The following TACC3 variants were observed in gnomAD, a reference collection of about 807,000 sequenced individuals.
TACC3 encodes the protein transforming acidic coiled-coil containing protein 3.
TACC3 carries 52 observed loss-of-function variants against 86.0 expected under a neutral mutation model. The ratio of observed to expected loss-of-function variants is 0.60; its 90% confidence interval spans 0.48 to 0.76. The LOEUF is 0.76. Among genes scored for constraint, TACC3 ranks in the 30% least tolerant of loss-of-function variants. The probability of loss-of-function intolerance (pLI) is 0.00; values close to 1 mark genes in which losing one functional copy is unlikely to be tolerated. For missense variants in TACC3, 1,120 were observed against 1,070.4 expected (o/e 1.05, Z -0.65); for synonymous variants, 512 against 430.0 (o/e 1.19, Z -2.36).
chr4:1,739,576 C>T (rs879314066), intron 10 of TACC3, 126 bp from the exon 11 acceptor site: 16 of 870,370 alleles, frequency 1.8e-5, no homozygotes, highest in Non-Finnish European at 2.7e-5. Flanking sequence ...GGAAGCCCCA[C>T]ATGGAACTGT....
In TACC3 at chr4:1,735,763, A is replaced by T; in HGVS notation, c.1677A>T (p.Leu559Phe). ...AGTCGGCCTTGAGGAAGCAGTCCTT[A>T]TACCTCAAGTTCGACCCCCTCCTGA... ...FKESALRKQS[L>F]YLKFDPLLRD... The change falls in exon 8 of 16, where the codon TTA becomes TTT. Residue 559 changes from leucine (L) to phenylalanine (F), a missense_variant. Transcript: ENST00000313288. This position sits in a 1 kb window ranked among gnomAD's most constrained non-coding sequence, Gnocchi z 4.2. 6.2e-7 allele frequency: 1 copy of T among 1,613,174 alleles called. No homozygotes were observed. The highest frequency in any genetic ancestry group is 8.5e-7 in the Non-Finnish European group (1 of 1,179,800).
chr4:1,741,590 G>A (rs1297018320), intron 13 of TACC3: 1 of 152,366 alleles, frequency 6.6e-6, no homozygotes, highest in Non-Finnish European at 1.5e-5. Context: ...AGCAATGTTG[G>A]AGCGGAGGTG....
intron 8 of TACC3, among the ~76,000 whole-genome samples, chr4:1,736,288 C>G (rs370289112): frequency 6.6e-6 from 1 of 151,822 alleles, no homozygotes; most frequent in Non-Finnish European, 1.5e-5. Flanking sequence ...CCGGGTGTGA[C>G]GGCATGCACC....
chr4:1,744,702 A>C lies in TACC3; in HGVS notation c.2331-10A>C. On this transcript the variant is annotated splice_polypyrimidine_tract_variant and intron_variant, in intron 14 of 15. Coordinates refer to ENST00000313288, the MANE Select transcript of TACC3 (RefSeq NM_006342.3). ...CCAGCTCAGCCTCTGCCCCGCCCCTACCCCTCCAGGGCAAACGAGGAGATC... is the reference window on the plus strand; with the variant it reads ...CCAGCTCAGCCTCTGCCCCGCCCCTCCCCCTCCAGGGCAAACGAGGAGATC... 6.2e-7 allele frequency: 1 copy of C among 1,612,248 alleles called. No individual in the cohort carries two copies. Among genetic ancestry groups the C allele is most frequent in the Non-Finnish European group, 8.5e-7 (1 of 1,179,824 alleles).
chr4:1,731,341 G>A, intron 6 of TACC3, 40 bp downstream of exon 6: 3 of 1,600,008 alleles, frequency 1.9e-6, no homozygotes, highest in Non-Finnish European at 2.6e-6. Context: ...AGTCTGCCCG[G>A]AGGGGATCCC....
chr4:1,737,947 C>T (rs563536107), intron 10 of TACC3: 21 of 619,894 alleles, frequency 3.4e-5, no homozygotes, highest in South Asian at 1.1e-4. Flanking sequence ...CGGGACTCTC[C>T]GGCCTGGGCA....
chr4:1,740,029 G>A lies in TACC3; in HGVS notation c.2062+27G>A, dbSNP rs575890670. 2.2e-5 allele frequency: 35 copies of A among 1,612,310 alleles called. No homozygotes were observed. The Admixed American group carries it at 2.5e-4, about 12-fold the overall frequency. On this transcript the variant is annotated intron_variant, in intron 12 of 15. Transcript: ENST00000313288. ...TGAGTGCCCGGGCCACCGAGGCCAC[G>A]TGCCTCCACGAGGGGCTGCCTATGC...
intron 1 of TACC3, chr4:1,723,049 T>A: frequency 5.4e-6 from 1 of 185,072 alleles, no homozygotes; most frequent in Non-Finnish European, 1.1e-5. Context: ...CTCATCCGGG[T>A]TTCTTATTGG....
Position 1,725,651 on chromosome 4 carries a change from A to G in TACC3, c.305+1781A>G, listed in dbSNP as rs567836837. ...GCAGCCTCCATAGGGCAGAGGGTGT[A>G]GAGGAGCTGGGAGGGGCTTGAGAGG... On this transcript the variant is annotated intron_variant, in intron 3 of 15. Coordinates refer to ENST00000313288, the MANE Select transcript of TACC3 (RefSeq NM_006342.3). 3.3e-5 allele frequency among the ~76,000 whole-genome samples: 5 copies of G among 152,274 alleles called. No individual in the cohort carries two copies. In the South Asian group the frequency reaches 1.0e-3, roughly 32 times the overall value.
At chr4:1,726,983 T>G (rs1472867217) in intron 3 of TACC3, among the ~76,000 whole-genome samples, 7 of 151,836 alleles carry the variant, frequency 4.6e-5, no homozygotes, top group Non-Finnish European at 8.8e-5. Context: ...AAAACAAAAT[T>G]AGCCAGACAT....
Position 1,735,220 on chromosome 4 carries a change from C to T in TACC3, c.1592-53C>T, listed in dbSNP as rs1314199791. On this transcript the variant is annotated intron_variant, in intron 6 of 15. Coordinates refer to ENST00000313288, the MANE Select transcript of TACC3 (RefSeq NM_006342.3). This position sits in a 1 kb window ranked among gnomAD's most constrained non-coding sequence, Gnocchi z 4.2. ...TGCTGAGGGAGACACCAGCCCGCCGCCCTTAGGGCCCTGGTGAGGGGCGAT... is the reference window on the plus strand; with the variant it reads ...TGCTGAGGGAGACACCAGCCCGCCGTCCTTAGGGCCCTGGTGAGGGGCGAT... 3 of 1,611,778 alleles carry T rather than the reference C, an allele frequency of 1.9e-6. No individual in the cohort carries two copies. Among genetic ancestry groups the T allele is most frequent in the East Asian group, 2.2e-5 (1 of 44,884 alleles).
At position 1,744,796 on chromosome 4, in the gene TACC3, G is replaced by A. The variant is rs1188143943; in HGVS notation, c.2415G>A (p.Met805Ile). 2 of 1,612,808 alleles carry A rather than the reference G, an allele frequency of 1.2e-6. No individual in the cohort carries two copies. Among genetic ancestry groups the A allele is most frequent in the Admixed American group, 1.7e-5 (1 of 60,006 alleles). Residue 805 changes from methionine (M) to isoleucine (I), a missense_variant, in exon 15 of 16, where the codon ATG (methionine) becomes ATA (isoleucine). Physicochemically the swap from Met to Ile is conservative, Grantham distance 10 (BLOSUM62 1). Transcript: ENST00000313288. ...AGGCCAGCCTGAGGAAGGAGCAGATGCGCATCCAGTCGCTGGAGAAGACAG... is the reference window on the plus strand; with the variant it reads ...AGGCCAGCCTGAGGAAGGAGCAGATACGCATCCAGTCGCTGGAGAAGACAG... ...ALQASLRKEQ[M>I]RIQSLEKTVE... is the part of the protein sequence containing the mutation.
upstream of TACC3, chr4:1,721,112 G>C (rs1717314139): frequency 3.9e-6 from 1 of 256,698 alleles, no homozygotes; most frequent in South Asian, 1.7e-4. Context: ...CCGCTCGGCC[G>C]CTCGCGGGGC....
chr4:1,744,080 GGGGGCAGCAGC>G (rs35206670), intron 13 of TACC3, among the ~76,000 whole-genome samples: 60,927 of 151,874 alleles, frequency 0.4, 12,572 homozygotes, highest in Non-Finnish European at 0.46. Flanking sequence ...TGCCCCCAGA[GGGGGCAGCAGC>G]CTGTGAGGAG....
Position 1,745,015 on chromosome 4 carries a change from C to T in TACC3, c.*2C>T, listed in dbSNP as rs755331935. 3 of 1,604,426 alleles carry T rather than the reference C, an allele frequency of 1.9e-6. No individual in the cohort carries two copies. The highest frequency in any genetic ancestry group is 2.6e-6 in the Non-Finnish European group (3 of 1,176,164). On this transcript the variant is annotated 3_prime_UTR_variant, in exon 16 of 16. Coordinates refer to ENST00000313288, the MANE Select transcript of TACC3 (RefSeq NM_006342.3). ...ATCTCCAAGATGGAGAAGATCTGAC[C>T]TCCACGGAGCCGCTGTCCCCGCCCC...
At position 1,735,615 on chromosome 4, in the gene TACC3, G is replaced by A. The variant is rs565732220; in HGVS notation, c.1645-116G>A. On this transcript the variant is annotated intron_variant, in intron 7 of 15. Transcript: ENST00000313288. This position sits in a 1 kb window ranked among gnomAD's most constrained non-coding sequence, Gnocchi z 4.2. ...CGGGCAGGGTTGTGGGTGACCGGGG[G>A]TGGGAGTGTGCGGGTGACCGGGGGT... 99 of 850,340 alleles carry A rather than the reference G, an allele frequency of 1.2e-4. 1 individual carries two copies. The South Asian group carries it at 1.3e-3, about 11-fold the overall frequency. The allele number at this position is 850,340 out of a possible 1,614,324, so 52.7% of individuals were successfully genotyped here. A position where few individuals can be genotyped will look rare whatever the true frequency, so the allele number is the denominator to read the frequency against.
At position 1,723,544 on chromosome 4, in the gene TACC3, A is replaced by G. The variant is rs759940476; in HGVS notation, c.123A>G (p.Lys41=). 3.7e-6 allele frequency: 6 copies of G among 1,613,760 alleles called. No individual in the cohort carries two copies. The highest frequency in any genetic ancestry group is 3.3e-5 in the South Asian group (3 of 91,092). ...CGTCTGTTCTTCGTGTGTCACAGAAAGAAAATGTGCCACCCAAGAACCTGG... is the reference window on the plus strand; with the variant it reads ...CGTCTGTTCTTCGTGTGTCACAGAAGGAAAATGTGCCACCCAAGAACCTGG... ...GRSSVLRVSQ[K]ENVPPKNLAK... Residue 41 remains lysine (K), a synonymous_variant, in exon 2 of 16, where the codon AAA becomes AAG. Transcript: ENST00000313288.
chr4:1,736,022 C>T (rs982300883), intron 8 of TACC3, among the ~76,000 whole-genome samples, 188 bp downstream of exon 8: 1 of 152,220 alleles, frequency 6.6e-6, no homozygotes. Flanking sequence ...GCAGGAGCAA[C>T]GGCAGCCTAC....
intron 8 of TACC3, 117 bp from the exon 9 acceptor site, chr4:1,737,124 C>G (rs1718310920): frequency 1.3e-6 from 1 of 796,628 alleles, no homozygotes; most frequent in Non-Finnish European, 2.1e-6. Context: ...ACTACCCTGA[C>G]TTGAGTGGTT....
Sources: allele counts gnomAD v4.1 joint callset (sites outside exome capture counted in the v4.1 genomes callset), GRCh38; gene constraint gnomAD v4.1.1; non-coding constraint Gnocchi (gnomAD v3.1); transcripts MANE v1.5; gene names NCBI Gene and HGNC (gene_info 2026-07-23, HGNC 2026-07-21).